LRCH3: variants seen among roughly 807,000 people sequenced by gnomAD.
LRCH3 encodes DISP complex protein LRCH3.
In LRCH3, 68 loss-of-function variants were observed where a neutral mutation model predicts 104.5. That is an observed-to-expected ratio of 0.65 (90% CI 0.54 to 0.80). The LOEUF (loss-of-function observed/expected upper bound fraction) is 0.80, where lower values mean the gene tolerates loss of function less well. LRCH3 is among the 30% of genes least tolerant of loss of function. The pLI, the probability that LRCH3 is intolerant of heterozygous loss-of-function variation, is 0.00. For missense variants in LRCH3, 951 were observed against 953.9 expected (o/e 1.00, Z 0.04); for synonymous variants, 344 against 361.3 (o/e 0.95, Z 0.54).
At chr3:197,869,036 C>T (rs2109510022) in intron 17 of LRCH3, among the ~76,000 whole-genome samples, 1 of 152,308 alleles carries the variant, frequency 6.6e-6, no homozygotes, top group African/African-American at 2.4e-5. Flanking sequence ...GGGTAATGAA[C>T]ATTACATATT....
intron 8 of LRCH3, among the ~76,000 whole-genome samples, chr3:197,835,278 G>T (rs969742637): frequency 1.3e-5 from 2 of 151,916 alleles, no homozygotes; most frequent in Non-Finnish European, 2.9e-5. Context: ...CTGTCTCCCG[G>T]GTTCAAGCAA....
Position 197,887,474 on chromosome 3 carries a change from C to T in LRCH3, c.*3808C>T, listed in dbSNP as rs1320051491. The T allele has an allele frequency of 2.8e-5, 4 of 144,016 alleles. No homozygotes were observed. Among genetic ancestry groups the T allele is most frequent in the African/African-American group, 8.0e-5 (3 of 37,410 alleles). The allele number at this position is 144,016 out of a possible 1,614,324, so 8.9% of individuals were successfully genotyped here. On this transcript the variant is annotated 3_prime_UTR_variant, in exon 21 of 21. Coordinates refer to ENST00000425562, the MANE Select transcript of LRCH3 (RefSeq NM_001365715.1). The stretch of plus-strand genomic sequence containing the variant: ...AGCCCCCCAGCAGAGCCCTTCCCAT[C>T]ACTGACAGTGTTGGGGGCTGAGAGC...
rs556976144 is a variant in LRCH3, at chr3:197,883,057, G to A, written c.2209-484G>A. 223 of 985,860 alleles carry A rather than the reference G, an allele frequency of 2.3e-4. No individual in the cohort carries two copies. The highest frequency in any genetic ancestry group is 2.6e-4 in the Non-Finnish European group (214 of 830,272). 61.1% of individuals were successfully genotyped at this position (985,860 alleles called of 1,614,324 possible). ...CAGTCAGGATTATAATGCAGATAGC[G>A]TAGAACTCATGCAGGCTGAGTTATG... is the stretch of plus-strand genomic sequence containing the variant. On this transcript the variant is annotated intron_variant, in intron 20 of 20. Transcript: ENST00000425562. This position sits in a 1 kb window ranked among gnomAD's most constrained non-coding sequence, Gnocchi z 4.2.
intron 3 of LRCH3, among the ~76,000 whole-genome samples, chr3:197,819,139 A>AG (rs1229646367): frequency 4.6e-5 from 7 of 151,858 alleles, no homozygotes; most frequent in Admixed American, 4.6e-4. Context: ...AAAAAAAAAA[A>AG]AAAGAAAAAA....
Position 197,870,198 on chromosome 3 carries a change from A to G in LRCH3, c.1912A>G (p.Thr638Ala), listed in dbSNP as rs200687309. The stretch of plus-strand genomic sequence containing the variant: ...CCTTCCTCCATCTGCTGCACCTACC[A>G]CTGATTCTACAGATTCCATAACAGG... ...SPLPPSAAPT[T>A]DSTDSITGQN... The change falls in exon 18 of 21, where the codon ACT becomes GCT. Residue 638 changes from threonine (T) to alanine (A), a missense_variant. Physicochemically the swap from Thr to Ala is moderately conservative, Grantham distance 58. Transcript: ENST00000425562. The G allele has an allele frequency of 1.1e-5, 18 of 1,612,978 alleles. No individual in the cohort carries two copies. In the East Asian group the frequency reaches 2.7e-4, roughly 24 times the overall value.
intron 1 of LRCH3, among the ~76,000 whole-genome samples, chr3:197,807,374 G>A (rs1385941542): frequency 6.6e-6 from 1 of 151,708 alleles, no homozygotes. Flanking sequence ...CCGCCACCAC[G>A]CCCAGCTCAT....
At chr3:197,828,362 G>T (rs1474976827) in intron 5 of LRCH3, among the ~76,000 whole-genome samples, 6 of 150,404 alleles carry the variant, frequency 4.0e-5, no homozygotes, top group African/African-American at 1.2e-4. Context: ...TTATTTTTTT[G>T]TGAGAAGGAG....
chr3:197,876,898 A>G (rs1401175408), intron 20 of LRCH3, among the ~76,000 whole-genome samples: 427 of 103,770 alleles, frequency 4.1e-3, no homozygotes, highest in African/African-American at 0.014. Flanking sequence ...TCTTTACCCA[A>G]CTCACCGCAC....
intron 20 of LRCH3, among the ~76,000 whole-genome samples, chr3:197,879,577 C>T (rs1163448281): frequency 1.5e-4 from 22 of 151,620 alleles, no homozygotes; most frequent in East Asian, 3.9e-4. Context: ...ACCCGGGAGG[C>T]GGAGCTTGCA....
At position 197,805,588 on chromosome 3, in the gene LRCH3, C is replaced by T. The variant is rs143717975; in HGVS notation, c.263-9320C>T. Among the ~76,000 whole-genome samples the T allele has an allele frequency of 9.8e-3, 1,464 of 150,098 alleles. 22 individuals are homozygous for T. Among genetic ancestry groups the T allele is most frequent in the African/African-American group, 0.035 (1,380 of 39,944 alleles). On this transcript the variant is annotated intron_variant, in intron 1 of 20. Transcript: ENST00000425562. Reference sequence around the variant, plus strand: ...TCCAAACTGAAAACCTAATGACAGCCGACATGCAGAATGGTAAGATCTCTA... The same window carrying T: ...TCCAAACTGAAAACCTAATGACAGCTGACATGCAGAATGGTAAGATCTCTA...
chr3:197,805,363 A>G (rs1732359611), intron 1 of LRCH3, among the ~76,000 whole-genome samples: 1 of 152,202 alleles, frequency 6.6e-6, no homozygotes, highest in Admixed American at 6.5e-5. Context: ...TGCAACAGAA[A>G]AATCAAGGAG....
intron 12 of LRCH3, chr3:197,850,700 T>C (rs1186857059): frequency 2.1e-6 from 3 of 1,439,476 alleles, no homozygotes; most frequent in African/African-American, 2.8e-5. Context: ...CAGCACTCTT[T>C]CTGGGCCACC....
intron 1 of LRCH3, among the ~76,000 whole-genome samples, chr3:197,798,486 A>G (rs1731520600): frequency 6.6e-6 from 1 of 152,222 alleles, no homozygotes. Flanking sequence ...GTGGACTACA[A>G]TCACACACAG....
chr3:197,835,176 ATTAATTTAATTT>A (rs1317992376), intron 8 of LRCH3, among the ~76,000 whole-genome samples: 1 of 152,040 alleles, frequency 6.6e-6, no homozygotes, highest in Non-Finnish European at 1.5e-5. Context: ...TATAAGTAAA[ATTAATTTAATTT>A]TTTTTTTGTT....
In LRCH3 at chr3:197,880,514, C is replaced by G. The variant is rs745574309; in HGVS notation, c.2209-3027C>G. On this transcript the variant is annotated intron_variant, in intron 20 of 20. Transcript: ENST00000425562. ...TTTCCTGCTTACACTTTGGACAGGACAATCTTTGTTCCCCTTCCGACATCC... is the reference window on the plus strand; with the variant it reads ...TTTCCTGCTTACACTTTGGACAGGAGAATCTTTGTTCCCCTTCCGACATCC... 19 of 1,535,764 alleles carry G rather than the reference C, an allele frequency of 1.2e-5. 1 individual carries two copies. The highest frequency in any genetic ancestry group is 3.3e-4 in the Middle Eastern group (2 of 5,990).
intron 5 of LRCH3, among the ~76,000 whole-genome samples, chr3:197,827,750 T>C (rs1735395592): frequency 6.6e-6 from 1 of 152,262 alleles, no homozygotes; most frequent in East Asian, 1.9e-4. Context: ...ATTTCTTTAT[T>C]TTTTTCTAGT....
chr3:197,800,329 T>TAC (rs1255707205), intron 1 of LRCH3, among the ~76,000 whole-genome samples: 2 of 152,208 alleles, frequency 1.3e-5, no homozygotes, highest in Admixed American at 1.3e-4. Flanking sequence ...AGAATGTCTA[T>TAC]ACACAAGTAA....
chr3:197,839,796 A>G (rs1261729148), intron 10 of LRCH3, among the ~76,000 whole-genome samples: 1 of 151,828 alleles, frequency 6.6e-6, no homozygotes, highest in Non-Finnish European at 1.5e-5. Context: ...TCTGAGCATC[A>G]TTCTACCCCT....
At chr3:197,831,155 G>A (rs1003991708) in intron 7 of LRCH3, 2 of 280,688 alleles carry the variant, frequency 7.1e-6, no homozygotes, top group South Asian at 8.4e-5. Context: ...AATCTGAGGT[G>A]GGGGGTAATC....
Sources: gnomAD v4.1 joint callset for allele counts (sites outside exome capture counted in the v4.1 genomes callset) on GRCh38, gnomAD v4.1.1 for gene constraint, Gnocchi (gnomAD v3.1) non-coding constraint, MANE v1.5 for transcripts, NCBI Gene and HGNC (gene_info 2026-07-23, HGNC 2026-07-21) for gene names.